The following ADGRD1 variants were observed in gnomAD, a reference collection of about 807,000 sequenced individuals.
ADGRD1 encodes adhesion G protein-coupled receptor D1, also known as G-protein coupled receptor 133.
A neutral mutation model predicts 113.4 loss-of-function variants in ADGRD1; 77 were observed. The observed-to-expected ratio is 0.68, with a 90% confidence interval of 0.57 to 0.82. ADGRD1 has a LOEUF of 0.82. Ranked by LOEUF, ADGRD1 falls within the 40% of genes least tolerant of loss-of-function variation. ADGRD1 has a pLI of 0.00. For missense variants in ADGRD1, 1,036 were observed against 1,139.1 expected (o/e 0.91, Z 1.30); for synonymous variants, 474 against 475.0 (o/e 1.00, Z 0.03).
At position 130,965,171 on chromosome 12, in the gene ADGRD1, C is replaced by G. The variant is rs1412315264; in HGVS notation, c.104-1292C>G. ...TTTGTTGGCTGCACTTAGGAGAACT[C>G]TTCTTTTTTTGTAGCATTATTGTTG... is the stretch of plus-strand genomic sequence containing the variant. On this transcript the variant is annotated intron_variant, in intron 2 of 24. Transcript: ENST00000261654. The surrounding 1 kb of genome is among the most constrained non-coding windows in gnomAD (Gnocchi z 4.8). 6.6e-6 allele frequency among the ~76,000 whole-genome samples: 1 copy of G among 152,060 alleles called. No homozygotes were observed. Among genetic ancestry groups the G allele is most frequent in the African/African-American group, 2.4e-5 (1 of 41,408 alleles).
At chr12:131,009,780 A>G (rs920698029) in intron 12 of ADGRD1, among the ~76,000 whole-genome samples, 1 of 152,054 alleles carries the variant, frequency 6.6e-6, no homozygotes, top group Non-Finnish European at 1.5e-5. Context: ...TGTGTGTTGT[A>G]TGTGCATACA....
At chr12:130,981,320 T>C (rs573853216) in intron 4 of ADGRD1, 1 of 152,354 alleles carries the variant, frequency 6.6e-6, no homozygotes, top group South Asian at 2.1e-4. Flanking sequence ...AGTGACAACG[T>C]GACAGTGTAT....
intron 13 of ADGRD1, among the ~76,000 whole-genome samples, chr12:131,014,652 G>A (rs776305709): frequency 6.6e-6 from 1 of 152,200 alleles, no homozygotes; most frequent in South Asian, 2.1e-4. Flanking sequence ...CTGGAGGAGG[G>A]GGGTACCTTG....
Position 131,084,408 on chromosome 12 carries a change from A to C in ADGRD1, c.1548-132A>C, listed in dbSNP as rs1352056831. ...CCCCCACACCACGGTCTGGGTGTGC[A>C]TTCCTGGCGTGGCAGGTGTGGGCGC... is the stretch of plus-strand genomic sequence containing the variant. On this transcript the variant is annotated intron_variant, in intron 14 of 24. Coordinates refer to ENST00000261654, the MANE Select transcript of ADGRD1 (RefSeq NM_198827.5). The surrounding 1 kb of genome is among the most constrained non-coding windows in gnomAD (Gnocchi z 4.5). 1 of 905,522 alleles carries C rather than the reference A, an allele frequency of 1.1e-6. No individual in the cohort carries two copies. Among genetic ancestry groups the C allele is most frequent in the Non-Finnish European group, 1.7e-6 (1 of 572,866 alleles). 56.1% of individuals were successfully genotyped at this position (905,522 alleles called of 1,614,324 possible). A position where few individuals can be genotyped will look rare whatever the true frequency, so the allele number is the denominator to read the frequency against.
chr12:131,080,661 C>A (rs1256691305), intron 14 of ADGRD1, among the ~76,000 whole-genome samples: 1 of 152,124 alleles, frequency 6.6e-6, no homozygotes, highest in East Asian at 1.9e-4. Flanking sequence ...CGCTCTGTAA[C>A]CCAGGCTGGA....
At position 130,984,101 on chromosome 12, in the gene ADGRD1, TG is replaced by T. The variant is rs1244103788; in HGVS notation, c.490+2039del. Among the ~76,000 whole-genome samples the T allele has an allele frequency of 6.6e-6, 1 of 152,206 alleles. No homozygotes were observed. Among genetic ancestry groups the T allele is most frequent in the Non-Finnish European group, 1.5e-5 (1 of 68,028 alleles). ...AGAGCACAGGCTGATGCCAATGGCC[TG>T]TGGGCTGAGTTGGGTCCTCAGATGG... On this transcript the variant is annotated intron_variant, in intron 5 of 24. Transcript: ENST00000261654. This position sits in a 1 kb window ranked among gnomAD's most constrained non-coding sequence, Gnocchi z 4.1.
chr12:131,030,352 A>T (rs1483276583), intron 13 of ADGRD1, among the ~76,000 whole-genome samples: 1 of 152,202 alleles, frequency 6.6e-6, no homozygotes, highest in Non-Finnish European at 1.5e-5. Flanking sequence ...TAAATTAAGA[A>T]TCTGTGGGGA....
chr12:130,983,935 T>C (rs998902678), intron 5 of ADGRD1, among the ~76,000 whole-genome samples: 2 of 152,146 alleles, frequency 1.3e-5, no homozygotes, highest in African/African-American at 4.8e-5. Flanking sequence ...TGATGAACAT[T>C]CTTGTTGATG....
chr12:130,965,458 C>A lies in ADGRD1; in HGVS notation c.104-1005C>A, dbSNP rs1870902486. On this transcript the variant is annotated intron_variant, in intron 2 of 24. Transcript: ENST00000261654. This position sits in a 1 kb window ranked among gnomAD's most constrained non-coding sequence, Gnocchi z 4.8. ...TCTATGATCTAGCAGTCGCTTGGGG[C>A]AGTTGATTATTGTTTAGTCATCTGA... Among the ~76,000 whole-genome samples the A allele has an allele frequency of 6.6e-6, 1 of 152,034 alleles. No individual in the cohort carries two copies. Among genetic ancestry groups the A allele is most frequent in the Non-Finnish European group, 1.5e-5 (1 of 68,018 alleles).
intron 13 of ADGRD1, among the ~76,000 whole-genome samples, chr12:131,043,813 C>T (rs897871296): frequency 1.3e-5 from 2 of 152,200 alleles, no homozygotes; most frequent in African/African-American, 4.8e-5. Context: ...CGCCCTGGTT[C>T]CCTCGGGAGG....
chr12:131,105,911 T>A, intron 17 of ADGRD1, 46 bp downstream of exon 17: 1 of 1,380,206 alleles, frequency 7.2e-7, no homozygotes, highest in Non-Finnish European at 1.0e-6. Flanking sequence ...TTCCCTTGCC[T>A]CCTCGGATGT....
chr12:131,084,568 G>A lies in ADGRD1; in HGVS notation c.1576G>A (p.Gly526Ser), dbSNP rs1213216579. Residue 526 changes from glycine to serine, a missense_variant, in exon 15 of 25, where the codon GGC becomes AGC. Gly to Ser is a moderately conservative substitution (Grantham distance 56, BLOSUM62 0). Coordinates refer to ENST00000261654, the MANE Select transcript of ADGRD1 (RefSeq NM_198827.5). This position sits in a 1 kb window ranked among gnomAD's most constrained non-coding sequence, Gnocchi z 4.5. ...SSGEGVWSNH[G>S]CALTRGNLTY... is the part of the protein sequence containing the mutation. ...CGGAGAAGGGGTCTGGTCGAACCAC[G>A]GCTGTGCGCTCACGAGAGGAAACCT... The A allele has an allele frequency of 5.0e-6, 8 of 1,613,990 alleles. 1 individual carries two copies. Among genetic ancestry groups the A allele is most frequent in the East Asian group, 4.5e-5 (2 of 44,878 alleles).
At position 131,000,432 on chromosome 12, in the gene ADGRD1, C is replaced by T. The variant is rs775109187; in HGVS notation, c.1016C>T (p.Ala339Val). The stretch of plus-strand genomic sequence containing the variant: ...ATCCTTCTACTGCCTGGTTGGATTG[C>T]TCTGTCAGAGGTAAGAGAAAAGAAC... ...GEILLLPGWI[A>V]LSEDSAVVLS... Residue 339 changes from alanine (A) to valine (V), a missense_variant, in exon 9 of 25, where the codon GCT (alanine) becomes GTT (valine). Coordinates refer to ENST00000261654, the MANE Select transcript of ADGRD1 (RefSeq NM_198827.5). 1.4e-5 allele frequency: 22 copies of T among 1,612,006 alleles called. No individual in the cohort carries two copies. Among genetic ancestry groups the T allele is most frequent in the Admixed American group, 5.0e-5 (3 of 59,974 alleles).
At chr12:131,017,518 C>G (rs1165422080) in intron 13 of ADGRD1, among the ~76,000 whole-genome samples, 4 of 145,468 alleles carry the variant, frequency 2.7e-5, no homozygotes, top group African/African-American at 1.0e-4. Context: ...CTACACCCAC[C>G]CAGCACAGAC....
chr12:131,045,823 G>A (rs570357151), intron 13 of ADGRD1, among the ~76,000 whole-genome samples: 1 of 152,262 alleles, frequency 6.6e-6, no homozygotes, highest in African/African-American at 2.4e-5. Flanking sequence ...GCGGGCACAG[G>A]CTGAGATGTG....
At chr12:131,000,132 T>TG (rs1478490133) in intron 8 of ADGRD1, among the ~76,000 whole-genome samples, 2 of 152,218 alleles carry the variant, frequency 1.3e-5, no homozygotes, top group Non-Finnish European at 2.9e-5. Flanking sequence ...CACTGAGCAG[T>TG]GTTCATTCTG....
intron 7 of ADGRD1, among the ~76,000 whole-genome samples, chr12:130,991,618 G>A (rs1275820536): frequency 2.0e-5 from 3 of 152,054 alleles, no homozygotes; most frequent in Non-Finnish European, 2.9e-5. Flanking sequence ...ATTTTGTAAG[G>A]TTGTTGTGAG....
chr12:131,114,065 G>A (rs1950407576), intron 18 of ADGRD1, among the ~76,000 whole-genome samples: 1 of 152,332 alleles, frequency 6.6e-6, no homozygotes, highest in South Asian at 2.1e-4. Flanking sequence ...AAAAGTGTCT[G>A]CAGGATTTGT....
intron 20 of ADGRD1, among the ~76,000 whole-genome samples, chr12:131,130,121 T>G (rs1950875033): frequency 6.6e-6 from 1 of 152,276 alleles, no homozygotes; most frequent in Non-Finnish European, 1.5e-5. Context: ...TTCTCGTCGT[T>G]ACACAGTGAG....
Sources: allele counts gnomAD v4.1 joint callset (sites outside exome capture counted in the v4.1 genomes callset), GRCh38; gene constraint gnomAD v4.1.1; non-coding constraint Gnocchi (gnomAD v3.1); transcripts MANE v1.5; gene names NCBI Gene and HGNC (gene_info 2026-07-23, HGNC 2026-07-21).